SHROOM3: variants seen among roughly 807,000 people sequenced by gnomAD.
SHROOM3 encodes shroom family member 3, also known as protein Shroom3.
In SHROOM3, 47 loss-of-function variants were observed where a neutral mutation model predicts 138.6. That is an observed-to-expected ratio of 0.34 (90% CI 0.27 to 0.43). The LOEUF is 0.43. SHROOM3 is among the 20% of genes least tolerant of loss of function. The probability of loss-of-function intolerance (pLI) is 1.00; values close to 1 mark genes in which losing one functional copy is unlikely to be tolerated. For missense variants in SHROOM3, 2,491 were observed against 2,596.5 expected, an observed-to-expected ratio of 0.96 and a Z score of 0.88; for synonymous variants, 1,062 against 1,063.3, an observed-to-expected ratio of 1.00 and a Z score of 0.02.
At chr4:76,530,299 G>A (rs1014506398) in intron 1 of SHROOM3, among the ~76,000 whole-genome samples, 2 of 152,122 alleles carry the variant, frequency 1.3e-5, no homozygotes, top group Non-Finnish European at 1.5e-5. Flanking sequence ...TATACTTTTA[G>A]GGCATGGTTT....
At chr4:76,692,964 C>A (rs1719600999) in intron 2 of SHROOM3, among the ~76,000 whole-genome samples, 1 of 152,178 alleles carries the variant, frequency 6.6e-6, no homozygotes, top group African/African-American at 2.4e-5. Flanking sequence ...ACACCTAAGA[C>A]CTGTGCATTT....
chr4:76,627,829 T>A (rs1471278776), intron 2 of SHROOM3, among the ~76,000 whole-genome samples: 1 of 152,120 alleles, frequency 6.6e-6, no homozygotes, highest in Non-Finnish European at 1.5e-5. Flanking sequence ...TGTGCCACCA[T>A]GTCCAGCCCA....
intron 2 of SHROOM3, among the ~76,000 whole-genome samples, chr4:76,671,448 A>G (rs1718881189): frequency 1.3e-5 from 2 of 152,222 alleles, no homozygotes; most frequent in African/African-American, 4.8e-5. Flanking sequence ...CTTTGTGCCC[A>G]GGCTGTGTGT....
At chr4:76,566,108 CAA>C (rs1170771360) in intron 2 of SHROOM3, among the ~76,000 whole-genome samples, 661 of 59,290 alleles carry the variant, frequency 0.011, 3 homozygotes, top group African/African-American at 0.037. Context: ...AACCCTGTCT[CAA>C]AAAAAAAAAA....
chr4:76,674,607 A>G (rs1331107105), intron 2 of SHROOM3, among the ~76,000 whole-genome samples: 1 of 115,412 alleles, frequency 8.7e-6, no homozygotes, highest in Non-Finnish European at 1.6e-5. Context: ...TCCATTGCCC[A>G]GGCTGCCACA....
At chr4:76,699,637 G>A (rs1016287124) in intron 2 of SHROOM3, among the ~76,000 whole-genome samples, 1 of 152,136 alleles carries the variant, frequency 6.6e-6, no homozygotes, top group African/African-American at 2.4e-5. Context: ...GTGGGAACAG[G>A]GAAGAAGGAT....
rs758110068 is a variant in SHROOM3 at position 76,740,155 on chromosome 4, C to A, written c.1982C>A (p.Ala661Asp). The change falls in exon 5 of 11, where the codon GCC becomes GAC. Residue 661 changes from alanine (A) to aspartate (D), a missense_variant. Ala to Asp is a moderately radical substitution (Grantham distance 126, BLOSUM62 -2). Transcript: ENST00000296043. This position sits in a 1 kb window ranked among gnomAD's most constrained non-coding sequence, Gnocchi z 4.0. ...GGCAACTTTGGCAAGACCAAGTCAG[C>A]CTTCTCATCTCTCCAGAACATTCCT... is the stretch of plus-strand genomic sequence containing the variant. ...LSGNFGKTKS[A>D]FSSLQNIPES... The A allele has an allele frequency of 9.3e-6, 15 of 1,613,808 alleles. No individual in the cohort carries two copies. The African/African-American group carries it at 1.9e-4, about 20-fold the overall frequency.
intron 2 of SHROOM3, among the ~76,000 whole-genome samples, chr4:76,657,780 G>C (rs1356875952): frequency 6.6e-6 from 1 of 152,220 alleles, no homozygotes; most frequent in Non-Finnish European, 1.5e-5. Flanking sequence ...AGAACAAACT[G>C]TCTCCGGGCC....
At chr4:76,732,693 A>G (rs1249681485) in intron 4 of SHROOM3, among the ~76,000 whole-genome samples, 1 of 152,164 alleles carries the variant, frequency 6.6e-6, no homozygotes, top group Non-Finnish European at 1.5e-5. Context: ...TTTAGAAGGT[A>G]AGGTGTGTGG....
At chr4:76,598,966 G>C (rs371239382) in intron 2 of SHROOM3, among the ~76,000 whole-genome samples, 5 of 152,078 alleles carry the variant, frequency 3.3e-5, no homozygotes, top group Non-Finnish European at 7.4e-5. Context: ...AATAATGGGG[G>C]CCTGAATGAC....
At position 76,739,943 on chromosome 4, in the gene SHROOM3, C is replaced by T; in HGVS notation, c.1770C>T (p.Ser590=). The T allele has an allele frequency of 1.2e-6, 2 of 1,614,152 alleles. No individual in the cohort carries two copies. Among genetic ancestry groups the T allele is most frequent in the Non-Finnish European group, 1.7e-6 (2 of 1,180,032 alleles). The part of the protein sequence containing the change: ...GNSPHSNERK[S]THSNKPSSHP... ...GCCCACATTCCAATGAGAGAAAGAG[C>T]ACCCACAGTAACAAACCATCTTCTC... The change falls in exon 5 of 11, where the codon AGC becomes AGT. Residue 590 remains serine (S), a synonymous_variant. Transcript: ENST00000296043.
intron 1 of SHROOM3, among the ~76,000 whole-genome samples, chr4:76,446,785 A>C (rs1730815188): frequency 6.6e-6 from 1 of 152,166 alleles, no homozygotes; most frequent in South Asian, 2.1e-4. Context: ...ACCACAACTG[A>C]TGGTCTTTTA....
chr4:76,712,224 A>T (rs1363955254), intron 3 of SHROOM3, among the ~76,000 whole-genome samples: 1 of 152,218 alleles, frequency 6.6e-6, no homozygotes, highest in Non-Finnish European at 1.5e-5. Flanking sequence ...ATGGGACAAG[A>T]GATGAGACAG....
rs372604520 is a variant in SHROOM3 at position 76,577,064 on chromosome 4, G to A, written c.323+21301G>A. Among the ~76,000 whole-genome samples, 7 of 152,254 alleles carry A rather than the reference G, an allele frequency of 4.6e-5. No homozygotes were observed. In the East Asian group the frequency reaches 7.7e-4, roughly 17 times the overall value. On this transcript the variant is annotated intron_variant, in intron 2 of 10. Coordinates refer to ENST00000296043, the MANE Select transcript of SHROOM3 (RefSeq NM_020859.4). Reference sequence around the variant, plus strand: ...GAACAAATGCTCCTGGTAAACATGAGTATTTCACCAAACCTTAATTGAATT... The same window carrying A: ...GAACAAATGCTCCTGGTAAACATGAATATTTCACCAAACCTTAATTGAATT...
intron 2 of SHROOM3, among the ~76,000 whole-genome samples, chr4:76,580,766 T>C (rs1156763123): frequency 6.6e-6 from 1 of 152,196 alleles, no homozygotes; most frequent in Admixed American, 6.5e-5. Flanking sequence ...CTTGAGATTC[T>C]CCAGCTGGGA....
At chr4:76,597,381 A>G (rs150058726) in intron 2 of SHROOM3, among the ~76,000 whole-genome samples, 228 of 152,306 alleles carry the variant, frequency 1.5e-3, no homozygotes, top group African/African-American at 5.4e-3. Context: ...AATTGGACTC[A>G]TGAGAAAAAT....
rs1577959549 is a variant in SHROOM3 at position 76,662,935 on chromosome 4, G to GA, written c.324-47221_324-47220insA. Among the ~76,000 whole-genome samples, 10 of 147,734 alleles carry GA rather than the reference G, an allele frequency of 6.8e-5. No individual in the cohort carries two copies. The East Asian group carries it at 1.6e-3, about 24-fold the overall frequency. On this transcript the variant is annotated intron_variant, in intron 2 of 10. Coordinates refer to ENST00000296043, the MANE Select transcript of SHROOM3 (RefSeq NM_020859.4). ...AGAGGGAGAGGAAGGGAGAGGGAGAGGGAGGGAGAGAGGGAGAGAGGGAGA... is the reference window on the plus strand; with the variant it reads ...AGAGGGAGAGGAAGGGAGAGGGAGAGAGGAGGGAGAGAGGGAGAGAGGGAGA...
chr4:76,735,809 CG>C (rs1189031713), intron 4 of SHROOM3, among the ~76,000 whole-genome samples: 1 of 132,978 alleles, frequency 7.5e-6, no homozygotes, highest in Non-Finnish European at 1.5e-5. Context: ...CACTGCACTC[CG>C]TCCTGGGCGA....
chr4:76,609,238 C>T (rs1734711326), intron 2 of SHROOM3, among the ~76,000 whole-genome samples: 1 of 152,136 alleles, frequency 6.6e-6, no homozygotes, highest in Non-Finnish European at 1.5e-5. Flanking sequence ...TAATCTTTTT[C>T]CAGGCCTCTA....
Sources: gnomAD v4.1 joint callset for allele counts (sites outside exome capture counted in the v4.1 genomes callset) on GRCh38, gnomAD v4.1.1 for gene constraint, Gnocchi (gnomAD v3.1) non-coding constraint, MANE v1.5 for transcripts, NCBI Gene and HGNC (gene_info 2026-07-23, HGNC 2026-07-21) for gene names.